FAT1: variants seen among roughly 807,000 people sequenced by gnomAD.
FAT1 encodes protocadherin Fat 1.
Under a neutral mutation model 329.8 loss-of-function variants are expected in FAT1, and 171 were observed. The observed-to-expected ratio is 0.52, with a 90% CI of 0.46 to 0.59. The LOEUF is 0.59. Among genes scored for constraint, FAT1 ranks in the 20% least tolerant of loss-of-function variants. The pLI is 0.00. For synonymous variants in FAT1, 2,233 were observed against 2,228.6 expected (o/e 1.00, Z -0.06); for missense variants, 5,672 against 5,774.4 (o/e 0.98, Z 0.57).
intron 4 of FAT1, 135 bp from the exon 5 acceptor site, chr4:186,637,049 T>A: frequency 1.3e-6 from 1 of 775,772 alleles, no homozygotes; most frequent in Admixed American, 2.5e-5. Flanking sequence ...ACACAGCAGA[T>A]CTTCATTCCA....
Position 186,640,154 on chromosome 4 carries a change from C to G in FAT1, c.3581-371G>C, listed in dbSNP as rs564076172. On this transcript the variant is annotated intron_variant, in intron 3 of 26. Coordinates refer to ENST00000441802, the MANE Select transcript of FAT1 (RefSeq NM_005245.4). ...AAATACAATAAAAAACAAAACCATA[C>G]TCTTGTAAAAGTCTGAGCAAATTTC... 1.2e-4 allele frequency among the ~76,000 whole-genome samples: 19 copies of G among 152,144 alleles called. No individual in the cohort carries two copies. The South Asian group carries it at 3.7e-3, about 30-fold the overall frequency.
At chr4:186,714,529 T>A (rs1745118439) in intron 1 of FAT1, among the ~76,000 whole-genome samples, 1 of 151,708 alleles carries the variant, frequency 6.6e-6, no homozygotes, top group Non-Finnish European at 1.5e-5. Flanking sequence ...GTTGTCTAAA[T>A]ATGAAAGACG....
intron 7 of FAT1, among the ~76,000 whole-genome samples, chr4:186,631,774 C>G (rs1211926608): frequency 6.6e-6 from 1 of 152,132 alleles, no homozygotes; most frequent in Non-Finnish European, 1.5e-5. Context: ...ATCCTAGTGT[C>G]TCGCCGCCCA....
chr4:186,698,514 G>C (rs966312284), intron 2 of FAT1, among the ~76,000 whole-genome samples: 1 of 152,202 alleles, frequency 6.6e-6, no homozygotes, highest in Non-Finnish European at 1.5e-5. Flanking sequence ...GTACATAAAA[G>C]ATAAGAAACA....
chr4:186,607,364 T>C (rs984630042), intron 16 of FAT1, among the ~76,000 whole-genome samples: 1 of 150,998 alleles, frequency 6.6e-6, no homozygotes, highest in African/African-American at 2.4e-5. Context: ...GATGGATGCA[T>C]AGATGGGTGG....
rs918410012 is a variant in FAT1 at position 186,708,411 on chromosome 4, C to G, written c.1417G>C (p.Asp473His). 3 of 1,613,866 alleles carry G rather than the reference C, an allele frequency of 1.9e-6. No individual in the cohort carries two copies. The highest frequency in any genetic ancestry group is 2.5e-6 in the Non-Finnish European group (3 of 1,179,902). The change falls in exon 2 of 27, where the codon GAT becomes CAT. Residue 473 changes from aspartate to histidine, a missense_variant. Transcript: ENST00000441802. ...FTQTAYKAAF[D>H]ENVPIGTTVM... Reference sequence around the variant, plus strand: ...GTAGTACCAATGGGCACGTTCTCATCAAAAGCAGCTTTGTACGCTGTCTGG... The same window carrying G: ...GTAGTACCAATGGGCACGTTCTCATGAAAAGCAGCTTTGTACGCTGTCTGG...
Position 186,708,163 on chromosome 4 carries a change from A to G in FAT1, c.1665T>C (p.Ala555=), listed in dbSNP as rs749332742. The part of the protein sequence containing the change: ...LPYRREVEVL[A]TITLNNLNDN... ...CATTCAAGTTATTGAGAGTAATTGT[A>G]GCAAGGACTTCGACTTCCCGGCGGT... is the stretch of plus-strand genomic sequence containing the variant. The change falls in exon 2 of 27, where the codon GCT becomes GCC. Residue 555 remains alanine, a synonymous_variant. Coordinates refer to ENST00000441802, the MANE Select transcript of FAT1 (RefSeq NM_005245.4). 4 of 1,614,026 alleles carry G rather than the reference A, an allele frequency of 2.5e-6. No individual in the cohort carries two copies. The highest frequency in any genetic ancestry group is 2.5e-6 in the Non-Finnish European group (3 of 1,179,906).
Position 186,589,117 on chromosome 4 carries a change from T to C in FAT1, c.13242A>G (p.Ser4414=). 1 of 1,613,930 alleles carries C rather than the reference T, an allele frequency of 6.2e-7. No homozygotes were observed. Among genetic ancestry groups the C allele is most frequent in the Non-Finnish European group, 8.5e-7 (1 of 1,179,872 alleles). ...EVIDEQTPLY[S]ADPNAIDTDY... ...CCGTATCGATGGCGTTTGGATCTGC[T>C]GAGTACAGGGGTGTCTGCTCATCAA... Residue 4414 remains serine, a synonymous_variant, in exon 27 of 27, where the codon TCA becomes TCG. Coordinates refer to ENST00000441802, the MANE Select transcript of FAT1 (RefSeq NM_005245.4).
chr4:186,629,418 T>C (rs1740481617), intron 7 of FAT1, among the ~76,000 whole-genome samples: 2 of 152,124 alleles, frequency 1.3e-5, no homozygotes, highest in African/African-American at 4.8e-5. Flanking sequence ...TAAAAACCTT[T>C]AGAGGAAAAA....
intron 2 of FAT1, among the ~76,000 whole-genome samples, chr4:186,697,139 G>C (rs987943006): frequency 1.3e-5 from 2 of 152,188 alleles, no homozygotes; most frequent in African/African-American, 4.8e-5. Context: ...AGGAATACTA[G>C]TGGTGTGGCA....
intron 3 of FAT1, among the ~76,000 whole-genome samples, chr4:186,656,220 C>G (rs994400680): frequency 6.6e-6 from 1 of 152,170 alleles, no homozygotes; most frequent in Admixed American, 6.5e-5. Flanking sequence ...ATGACTTGGG[C>G]GTGACACAGA....
chr4:186,715,331 G>A (rs778730085), intron 1 of FAT1, among the ~76,000 whole-genome samples: 17 of 152,030 alleles, frequency 1.1e-4, no homozygotes, highest in Non-Finnish European at 2.2e-4. Flanking sequence ...AGTTCTCACG[G>A]GACACAATAC....
chr4:186,688,077 C>T (rs1000458363), intron 2 of FAT1, among the ~76,000 whole-genome samples: 3 of 142,902 alleles, frequency 2.1e-5, no homozygotes, highest in Non-Finnish European at 3.0e-5. Flanking sequence ...GAGGGGAGTT[C>T]GCTAATTCTG....
chr4:186,604,620 G>T, intron 17 of FAT1, 46 bp from the exon 18 acceptor site: 3 of 1,347,424 alleles, frequency 2.2e-6, no homozygotes, highest in Non-Finnish European at 3.1e-6. Flanking sequence ...CTGGAACACA[G>T]CCAAATCTAT....
At chr4:186,636,530 A>G (rs1160098392) in intron 5 of FAT1, 55 bp downstream of exon 5, 1 of 1,484,758 alleles carries the variant, frequency 6.7e-7, no homozygotes. Flanking sequence ...AAAATACAAA[A>G]TAAGGTTTAT....
rs773150995 is a variant in FAT1, at chr4:186,611,573, G to A, written c.9666C>T (p.Asp3222=). ...CAAACACAGGGGGGTTGTCATTTAT[G>A]TCAAGAACTGATACAATCACAGTGC... The part of the protein sequence containing the change: ...ATGTVIVSVL[D]INDNPPVFEY... Residue 3222 remains aspartate (D), a synonymous_variant, in exon 14 of 27, where the codon GAC becomes GAT. Coordinates refer to ENST00000441802, the MANE Select transcript of FAT1 (RefSeq NM_005245.4). 1 of 1,613,872 alleles carries A rather than the reference G, an allele frequency of 6.2e-7. No homozygotes were observed. Among genetic ancestry groups the A allele is most frequent in the Non-Finnish European group, 8.5e-7 (1 of 1,179,834 alleles).
Position 186,619,199 on chromosome 4 carries a change from G to A in FAT1, c.7387C>T (p.Leu2463Phe), listed in dbSNP as rs1188538121. The part of the protein sequence containing the change: ...HRHALKPFYS[L>F]NLSVSDGVFR... ...ACTCCATCAGACACTGACAGGTTAAGACTGTAAAATGGCTTCAGGGCGTGC... is the reference window on the plus strand; with the variant it reads ...ACTCCATCAGACACTGACAGGTTAAAACTGTAAAATGGCTTCAGGGCGTGC... Residue 2463 changes from leucine (L) to phenylalanine (F), a missense_variant, in exon 10 of 27, where the codon CTT (leucine) becomes TTT (phenylalanine). By Grantham distance (22) the Leu-to-Phe change is conservative. Around this residue, in one of 2 missense-constraint regions of FAT1, gnomAD observed 3,966 missense variants for 3,915.2 expected, o/e 1.01. Coordinates refer to ENST00000441802, the MANE Select transcript of FAT1 (RefSeq NM_005245.4). 6.2e-7 allele frequency: 1 copy of A among 1,613,878 alleles called. No homozygotes were observed. Among genetic ancestry groups the A allele is most frequent in the Non-Finnish European group, 8.5e-7 (1 of 1,179,910 alleles).
In FAT1 at chr4:186,611,448, T is replaced by G; in HGVS notation, c.9791A>C (p.Glu3264Ala). 3 of 1,613,964 alleles carry G rather than the reference T, an allele frequency of 1.9e-6. No homozygotes were observed. Among genetic ancestry groups the G allele is most frequent in the Non-Finnish European group, 2.5e-6 (3 of 1,179,840 alleles). The change falls in exon 14 of 27, where the codon GAA (glutamate) becomes GCA (alanine). Residue 3264 changes from glutamate to alanine, a missense_variant. Physicochemically the swap from Glu to Ala is moderately radical, Grantham distance 107. Coordinates refer to ENST00000441802, the MANE Select transcript of FAT1 (RefSeq NM_005245.4). ...TCCACTTATTATTGAGTAGGTGATT[T>G]CTGCATTTGCTTCAATATCCCGACT... Reference protein sequence around the residue: ...AASRDIEANAEITYSIISGNE... With the variant: ...AASRDIEANAAITYSIISGNE...
chr4:186,595,828 T>C lies in FAT1; in HGVS notation c.13001-2A>G. 6.2e-7 allele frequency: 1 copy of C among 1,613,766 alleles called. No homozygotes were observed. The highest frequency in any genetic ancestry group is 8.5e-7 in the Non-Finnish European group (1 of 1,179,832). On this transcript the variant is annotated splice_acceptor_variant, in intron 25 of 26. Transcript: ENST00000441802. LOFTEE classifies it high-confidence loss of function. Reference sequence around the variant, plus strand: ...AGGGATCAAGATCCACCACTTTTGCTAAAAGGAAGGATGACAAACAGTAAG... The same window carrying C: ...AGGGATCAAGATCCACCACTTTTGCCAAAAGGAAGGATGACAAACAGTAAG...
Sources: allele counts gnomAD v4.1 joint callset (sites outside exome capture counted in the v4.1 genomes callset), GRCh38; gene constraint gnomAD v4.1.1; regional missense constraint gnomAD v4.1.1; transcripts MANE v1.5; gene names NCBI Gene and HGNC (gene_info 2026-07-23, HGNC 2026-07-21).